ST8SIA1: variants seen among roughly 807,000 people sequenced by gnomAD.
The protein encoded by ST8SIA1 is alpha-N-acetylneuraminide alpha-2,8-sialyltransferase.
ST8SIA1 carries 16 observed loss-of-function variants against 35.9 expected under a neutral mutation model. The observed-to-expected ratio is 0.45, with a 90% CI of 0.30 to 0.68. ST8SIA1 has a LOEUF of 0.68. Ranked by LOEUF, ST8SIA1 falls within the 30% of genes least tolerant of loss-of-function variation. The pLI is 0.09. For synonymous variants in ST8SIA1, 170 were observed against 169.6 expected, an observed-to-expected ratio of 1.00 and a Z score of -0.02; for missense variants, 383 against 453.6, an observed-to-expected ratio of 0.84 and a Z score of 1.41.
chr12:22,296,541 CT>C (rs1866246509), intron 1 of ST8SIA1, among the ~76,000 whole-genome samples: 2 of 152,144 alleles, frequency 1.3e-5, no homozygotes, highest in African/African-American at 4.8e-5. Flanking sequence ...TTTGATTCCC[CT>C]CATAATCATT....
intron 4 of ST8SIA1, among the ~76,000 whole-genome samples, chr12:22,227,942 C>G (rs759004545): frequency 6.6e-6 from 1 of 152,176 alleles, no homozygotes; most frequent in Non-Finnish European, 1.5e-5. Flanking sequence ...GAATTTAATT[C>G]TTCCTTTAGT....
chr12:22,313,963 T>C (rs1306048005), intron 1 of ST8SIA1, among the ~76,000 whole-genome samples: 2 of 150,972 alleles, frequency 1.3e-5, no homozygotes, highest in African/African-American at 4.8e-5. Flanking sequence ...TAGGTGTGTC[T>C]ATGTTTGGGT....
chr12:22,202,044 G>GA lies in ST8SIA1; in HGVS notation c.585-7dup. On this transcript the variant is annotated splice_polypyrimidine_tract_variant and splice_region_variant and intron_variant, in intron 4 of 4. Transcript: ENST00000396037. ...ACCACAGAAGGTTCTGAAACCTATT[G>GA]AAGAAAAAAAAAACTGTTCAATTAA... 6.5e-7 allele frequency: 1 copy of GA among 1,546,670 alleles called. No individual in the cohort carries two copies. The highest frequency in any genetic ancestry group is 2.3e-5 in the East Asian group (1 of 43,910).
Position 22,310,443 on chromosome 12 carries a change from T to A in ST8SIA1, c.237-23150A>T, listed in dbSNP as rs190609697. 6.6e-5 allele frequency among the ~76,000 whole-genome samples: 10 copies of A among 152,226 alleles called. No homozygotes were observed. In the East Asian group the frequency reaches 1.7e-3, roughly 26 times the overall value. On this transcript the variant is annotated intron_variant, in intron 1 of 4. Coordinates refer to ENST00000396037, the MANE Select transcript of ST8SIA1 (RefSeq NM_003034.4). ...GGTTCCCCCTGTGACTGAGCAAGAG[T>A]CAGTGCAATAACTCGTCACAGTCAT...
chr12:22,208,868 C>CT (rs1224448003), intron 4 of ST8SIA1, among the ~76,000 whole-genome samples: 1 of 151,950 alleles, frequency 6.6e-6, no homozygotes, highest in Non-Finnish European at 1.5e-5. Flanking sequence ...TATTTCAAAC[C>CT]AATTCATAAA....
intron 4 of ST8SIA1, among the ~76,000 whole-genome samples, chr12:22,243,338 G>C (rs1020224418): frequency 6.6e-6 from 1 of 152,064 alleles, no homozygotes; most frequent in Non-Finnish European, 1.5e-5. Context: ...TCTTGGATTT[G>C]CACAGCTTTG....
At chr12:22,218,413 T>C (rs902919679) in intron 4 of ST8SIA1, among the ~76,000 whole-genome samples, 1 of 150,822 alleles carries the variant, frequency 6.6e-6, no homozygotes, top group African/African-American at 2.4e-5. Flanking sequence ...AGGTCAGGAG[T>C]TCCAGACCAG....
intron 1 of ST8SIA1, among the ~76,000 whole-genome samples, chr12:22,315,594 A>G (rs1866508312): frequency 6.6e-6 from 1 of 152,144 alleles, no homozygotes; most frequent in African/African-American, 2.4e-5. Context: ...TGATTTAAGC[A>G]TCTCACAGTG....
chr12:22,309,048 C>A (rs1441937708), intron 1 of ST8SIA1, among the ~76,000 whole-genome samples: 2 of 152,050 alleles, frequency 1.3e-5, no homozygotes, highest in Non-Finnish European at 2.9e-5. Flanking sequence ...GAGAACAGAC[C>A]TACGATGGAC....
chr12:22,237,629 T>A (rs534092619), intron 4 of ST8SIA1, among the ~76,000 whole-genome samples: 1 of 151,842 alleles, frequency 6.6e-6, no homozygotes, highest in South Asian at 2.1e-4. Context: ...TTGTATAGTA[T>A]ACCATCAATA....
intron 3 of ST8SIA1, among the ~76,000 whole-genome samples, chr12:22,249,829 C>T (rs1016494860): frequency 6.6e-6 from 1 of 152,154 alleles, no homozygotes; most frequent in Non-Finnish European, 1.5e-5. Flanking sequence ...CCTCTGCACA[C>T]CCATAAATCT....
intron 2 of ST8SIA1, among the ~76,000 whole-genome samples, chr12:22,270,011 A>G (rs936787442): frequency 6.6e-6 from 1 of 152,226 alleles, no homozygotes; most frequent in Non-Finnish European, 1.5e-5. Flanking sequence ...ATCTCCTTAT[A>G]CACTATTATA....
chr12:22,329,677 A>G (rs911294163), intron 1 of ST8SIA1, among the ~76,000 whole-genome samples: 7 of 152,168 alleles, frequency 4.6e-5, no homozygotes, highest in African/African-American at 7.2e-5. Flanking sequence ...AATTATGGAA[A>G]TTGAGCTTTT....
chr12:22,202,405 G>T (rs1865058349), intron 4 of ST8SIA1, among the ~76,000 whole-genome samples: 1 of 152,152 alleles, frequency 6.6e-6, no homozygotes, highest in Admixed American at 6.5e-5. Context: ...TACTTAGGTG[G>T]TCTAACATAA....
chr12:22,205,267 T>C (rs1212102804), intron 4 of ST8SIA1, among the ~76,000 whole-genome samples: 2 of 152,138 alleles, frequency 1.3e-5, no homozygotes, highest in East Asian at 3.8e-4. Flanking sequence ...AATATTTGTG[T>C]ACTATATGAA....
chr12:22,256,022 G>T (rs571838157), intron 2 of ST8SIA1, among the ~76,000 whole-genome samples: 1 of 152,374 alleles, frequency 6.6e-6, no homozygotes, highest in East Asian at 1.9e-4. Flanking sequence ...CAAGGAGGAA[G>T]AAGGCATTTC....
At chr12:22,285,885 A>ACAAAAAAAACAAAAAAAAAC (rs1555160058) in intron 2 of ST8SIA1, among the ~76,000 whole-genome samples, 13 of 147,388 alleles carry the variant, frequency 8.8e-5, no homozygotes, top group African/African-American at 2.7e-4. Context: ...AACAAAAAAA[A>ACAAAAAAAACAAAAAAAAAC]AAAAAAAAAA....
chr12:22,254,648 C>T (rs1865709159), intron 3 of ST8SIA1, among the ~76,000 whole-genome samples: 2 of 152,216 alleles, frequency 1.3e-5, no homozygotes, highest in Admixed American at 1.3e-4. Flanking sequence ...TACAATTTGG[C>T]AGTCTCTGTC....
chr12:22,255,138 G>T, intron 3 of ST8SIA1, 142 bp downstream of exon 3: 1 of 687,540 alleles, frequency 1.5e-6, no homozygotes, highest in Non-Finnish European at 2.5e-6. Flanking sequence ...AAACTCGCTT[G>T]TCTATGAGCT....
Sources: allele counts gnomAD v4.1 joint callset (sites outside exome capture counted in the v4.1 genomes callset), GRCh38; gene constraint gnomAD v4.1.1; transcripts MANE v1.5; gene names NCBI Gene and HGNC (gene_info 2026-07-23, HGNC 2026-07-21).